Variants in ZBBX observed in about 807,000 individuals in gnomAD.
The protein encoded by ZBBX is zinc finger B-box domain containing.
A neutral mutation model predicts 108.5 loss-of-function variants in ZBBX; 101 were observed. The ratio of observed to expected loss-of-function variants is 0.93; its 90% CI spans 0.79 to 1.10. The LOEUF is 1.10. Among genes scored for constraint, ZBBX ranks in the 50% least tolerant of loss-of-function variants. The probability of loss-of-function intolerance (pLI) is 0.00; values close to 1 mark genes in which losing one functional copy is unlikely to be tolerated. For missense variants in ZBBX, 1,009 were observed against 941.4 expected (o/e 1.07, Z -0.94); for synonymous variants, 356 against 323.4 (o/e 1.10, Z -1.08).
At chr3:167,368,236 T>G (rs1745637847) in intron 5 of ZBBX, among the ~76,000 whole-genome samples, 1 of 151,552 alleles carries the variant, frequency 6.6e-6, no homozygotes, top group East Asian at 1.9e-4. Context: ...TAAGACCCAA[T>G]AATGTTCAGA....
intron 18 of ZBBX, among the ~76,000 whole-genome samples, chr3:167,296,313 T>C (rs984137972): frequency 6.6e-6 from 1 of 151,950 alleles, no homozygotes; most frequent in African/African-American, 2.4e-5. Flanking sequence ...TGGTGAAAAA[T>C]AGAACATTTC....
At chr3:167,206,589 G>C in the ZBBX span, among the ~76,000 whole-genome samples, 1 of 151,882 alleles carries the variant, frequency 6.6e-6, no homozygotes, top group African/African-American at 2.4e-5. Context: ...GCAATATACA[G>C]ATTGAATGTA....
At chr3:167,360,556 TG>T in intron 7 of ZBBX, 118 bp downstream of exon 7, 3 of 503,874 alleles carry the variant, frequency 6.0e-6, no homozygotes, top group African/African-American at 2.0e-5. Flanking sequence ...TGTCATGATT[TG>T]GGGGTTTAGA....
chr3:167,184,735 C>T, the ZBBX span, among the ~76,000 whole-genome samples: 3 of 152,002 alleles, frequency 2.0e-5, no homozygotes, highest in Non-Finnish European at 4.4e-5. Flanking sequence ...GTGGGAGCCG[C>T]AGTGGCAACA....
intron 4 of ZBBX, among the ~76,000 whole-genome samples, chr3:167,370,344 T>G (rs955757351): frequency 6.6e-6 from 1 of 152,170 alleles, no homozygotes; most frequent in East Asian, 1.9e-4. Flanking sequence ...AATAATCCCA[T>G]GTTTCTTATT....
intron 20 of ZBBX, among the ~76,000 whole-genome samples, chr3:167,278,350 T>A (rs1728080808): frequency 1.3e-5 from 2 of 151,044 alleles, no homozygotes; most frequent in Admixed American, 6.6e-5. Context: ...GATAAACCAC[T>A]AGCAAGACTA....
the ZBBX span, among the ~76,000 whole-genome samples, chr3:167,205,872 T>A: frequency 6.6e-6 from 1 of 152,140 alleles, no homozygotes; most frequent in Non-Finnish European, 1.5e-5. Context: ...GTAGTTAGAT[T>A]GGGCAGTTAG....
chr3:167,390,866 C>A (rs1748065111), intron 1 of ZBBX, among the ~76,000 whole-genome samples: 1 of 152,112 alleles, frequency 6.6e-6, no homozygotes, highest in South Asian at 2.1e-4. Flanking sequence ...AGTTGCTTAT[C>A]AGCTTAAGCA....
intron 17 of ZBBX, among the ~76,000 whole-genome samples, chr3:167,301,957 A>G (rs1395836038): frequency 2.4e-5 from 3 of 126,164 alleles, no homozygotes; most frequent in African/African-American, 1.2e-4. Context: ...ACTCCGTTAA[A>G]AAAAAAAAAA....
chr3:167,367,518 G>C (rs1469325619), intron 5 of ZBBX, among the ~76,000 whole-genome samples: 1 of 151,172 alleles, frequency 6.6e-6, no homozygotes, highest in Middle Eastern at 3.2e-3. Flanking sequence ...TGTGATAGGA[G>C]CATTAAGATA....
chr3:167,276,278 C>A (rs146115103), intron 20 of ZBBX, among the ~76,000 whole-genome samples: 2,124 of 152,252 alleles, frequency 0.014, 26 homozygotes, highest in South Asian at 0.026. Flanking sequence ...AGGCTTCAGA[C>A]AATCAAATTA....
At chr3:167,280,166 A>G (rs1728515176) in intron 20 of ZBBX, among the ~76,000 whole-genome samples, 1 of 152,208 alleles carries the variant, frequency 6.6e-6, no homozygotes, top group African/African-American at 2.4e-5. Flanking sequence ...CCTAGGCATT[A>G]CCATTGAGGA....
rs1377616263 is a variant in ZBBX, at chr3:167,317,119, T to G, written c.1094-14A>C. ...TGGTCTCCTCACCTAGGAAATAAGA[T>G]TCACAAATAATATCATCAAAGAATA... On this transcript the variant is annotated splice_polypyrimidine_tract_variant and intron_variant, in intron 13 of 21. Coordinates refer to ENST00000675490, the MANE Select transcript of ZBBX (RefSeq NM_001199201.2). 11 of 1,483,254 alleles carry G rather than the reference T, an allele frequency of 7.4e-6. No individual in the cohort carries two copies. The highest frequency in any genetic ancestry group is 9.4e-6 in the Non-Finnish European group (10 of 1,069,444). The allele number at this position is 1,483,254 out of a possible 1,614,324, so 91.9% of individuals were successfully genotyped here. A position where few individuals can be genotyped will look rare whatever the true frequency, so the allele number is the denominator to read the frequency against.
the ZBBX span, among the ~76,000 whole-genome samples, chr3:167,232,666 A>C: frequency 6.6e-6 from 1 of 151,710 alleles, no homozygotes; most frequent in Non-Finnish European, 1.5e-5. Context: ...CCTAGAGGGG[A>C]ATTAGGTGTA....
the ZBBX span, among the ~76,000 whole-genome samples, chr3:167,213,530 C>A: frequency 6.6e-6 from 1 of 152,204 alleles, no homozygotes; most frequent in Middle Eastern, 3.4e-3. Context: ...AAACCTCCAA[C>A]AATTATGGGG....
the ZBBX span, among the ~76,000 whole-genome samples, chr3:167,216,102 A>C: frequency 6.6e-6 from 1 of 152,176 alleles, no homozygotes; most frequent in African/African-American, 2.4e-5. Flanking sequence ...ACTTCTATTC[A>C]ACATAATACT....
In ZBBX at chr3:167,250,523, C is replaced by T. The variant is rs181694172; in HGVS notation, c.2255-7880G>A. On this transcript the variant is annotated intron_variant, in intron 20 of 21. Coordinates refer to ENST00000675490, the MANE Select transcript of ZBBX (RefSeq NM_001199201.2). ...CATGTTTCACCCATGCATACTTAACCTTATAAAACTTTTTTTTTTTTTTAC... is the reference window on the plus strand; with the variant it reads ...CATGTTTCACCCATGCATACTTAACTTTATAAAACTTTTTTTTTTTTTTAC... Among the ~76,000 whole-genome samples the T allele has an allele frequency of 1.6e-4, 18 of 112,484 alleles. No homozygotes were observed. In the East Asian group the frequency reaches 4.9e-3, roughly 31 times the overall value. 73.8% of individuals were successfully genotyped at this position (112,484 alleles called of 152,430 possible). A position where few individuals can be genotyped will look rare whatever the true frequency, so the allele number is the denominator to read the frequency against.
Position 167,282,460 on chromosome 3 carries a change from G to A in ZBBX, c.2032C>T (p.Pro678Ser), listed in dbSNP as rs1440165353. The stretch of plus-strand genomic sequence containing the variant: ...CTTTCTTTAACAGAGTTGGAAAGTG[G>A]AAAATTTGCTGTTGAAGGTCTCTGT... Reference protein sequence around the residue: ...KSQRPSTANFPLSNSVKESSS... With the variant: ...KSQRPSTANFSLSNSVKESSS... The change falls in exon 20 of 22, where the codon CCA (proline) becomes TCA (serine). Residue 678 changes from proline (P) to serine (S), a missense_variant. Pro to Ser is a moderately conservative substitution (Grantham distance 74). Coordinates refer to ENST00000675490, the MANE Select transcript of ZBBX (RefSeq NM_001199201.2). 2 of 1,613,248 alleles carry A rather than the reference G, an allele frequency of 1.2e-6. No individual in the cohort carries two copies. Among genetic ancestry groups the A allele is most frequent in the Non-Finnish European group, 1.7e-6 (2 of 1,179,624 alleles).
At chr3:167,321,863 T>C (rs949558617) in intron 12 of ZBBX, among the ~76,000 whole-genome samples, 1 of 152,036 alleles carries the variant, frequency 6.6e-6, no homozygotes, top group African/African-American at 2.4e-5. Flanking sequence ...AATTCATTTC[T>C]GCATTTGCGC....
Sources: gnomAD v4.1 joint callset for allele counts (sites outside exome capture counted in the v4.1 genomes callset) on GRCh38, gnomAD v4.1.1 for gene constraint, MANE v1.5 for transcripts, NCBI Gene and HGNC (gene_info 2026-07-23, HGNC 2026-07-21) for gene names.